YJEFN3: variants seen among roughly 807,000 people sequenced by gnomAD.
The protein encoded by YJEFN3 is yjeF N-terminal domain-containing protein 3.
A neutral mutation model predicts 31.5 loss-of-function variants in YJEFN3; 29 were observed. The observed-to-expected ratio is 0.92, with a 90% CI of 0.69 to 1.26. The LOEUF is 1.26. Among genes scored for constraint, YJEFN3 ranks in the 50% most tolerant of loss-of-function variants. The pLI is 0.00. For synonymous variants in YJEFN3, 227 were observed against 196.1 expected (o/e 1.16, Z -1.32); for missense variants, 442 against 425.4 (o/e 1.04, Z -0.34).
chr19:19,537,419 G>T lies in YJEFN3; in HGVS notation c.795G>T (p.Gly265=). 1 of 1,591,426 alleles carries T rather than the reference G, an allele frequency of 6.3e-7. No individual in the cohort carries two copies. Among genetic ancestry groups the T allele is most frequent in the Non-Finnish European group, 8.5e-7 (1 of 1,174,920 alleles). Residue 265 remains glycine, a synonymous_variant, in exon 7 of 7, where the codon GGG becomes GGT. Transcript: ENST00000514277. The stretch of plus-strand genomic sequence containing the variant: ...AGCGCTGCGCTGGCCGCTTCTCCGG[G>T]CGCCACCACTTCGTGGCCGGCAGGT... The part of the protein sequence containing the change: ...APKRCAGRFS[G]RHHFVAGRFV...
At chr19:19,529,172 A>G in intron 1 of YJEFN3, 181 bp downstream of exon 1, 1 of 1,455,296 alleles carries the variant, frequency 6.9e-7, no homozygotes. Flanking sequence ...GGAGGCAGGG[A>G]TATGGCCAAG....
chr19:19,532,684 G>C lies in YJEFN3; in HGVS notation c.262G>C (p.Gly88Arg). Reference protein sequence around the residue: ...ERELLEDYRFGRQQLVELCGH... With the variant: ...ERELLEDYRFRRQQLVELCGH... ...GGAGCTGCTGGAGGATTATCGCTTT[G>C]GGCGGCAGCAGCTCGTGGAGCTGTG... Residue 88 changes from glycine (G) to arginine (R), a missense_variant, in exon 3 of 7, where the codon GGG becomes CGG. Transcript: ENST00000514277. 1.3e-6 allele frequency: 2 copies of C among 1,577,018 alleles called. No individual in the cohort carries two copies. The highest frequency in any genetic ancestry group is 1.2e-5 in the South Asian group (1 of 86,896).
Position 19,537,435 on chromosome 19 carries a change from G to GCCGGCAGGTTCGTGC in YJEFN3, c.815_829dup (p.Gly272_Pro276dup). 2 of 1,588,768 alleles carry GCCGGCAGGTTCGTGC rather than the reference G, an allele frequency of 1.3e-6. No individual in the cohort carries two copies. Among genetic ancestry groups the GCCGGCAGGTTCGTGC allele is most frequent in the Non-Finnish European group, 1.7e-6 (2 of 1,173,514 alleles). Reference sequence around the variant, plus strand: ...CTTCTCCGGGCGCCACCACTTCGTGGCCGGCAGGTTCGTGCCCGATGACGT... The same window carrying GCCGGCAGGTTCGTGC: ...CTTCTCCGGGCGCCACCACTTCGTGGCCGGCAGGTTCGTGCCCGGCAGGTTCGTGCCCGATGACGT... On this transcript the variant is annotated inframe_insertion, in exon 7 of 7. Transcript: ENST00000514277.
intron 6 of YJEFN3, 38 bp downstream of exon 6, chr19:19,535,717 G>A: frequency 6.5e-7 from 1 of 1,541,472 alleles, no homozygotes; most frequent in Non-Finnish European, 8.7e-7. Flanking sequence ...GGGCCTGGGG[G>A]GCTTGGGTGG....
At position 19,532,650 on chromosome 19, in the gene YJEFN3, C is replaced by G. The variant is rs1221808020; in HGVS notation, c.228C>G (p.Ala76=). 6 of 1,561,404 alleles carry G rather than the reference C, an allele frequency of 3.8e-6. No homozygotes were observed. The East Asian group carries it at 1.2e-4, about 31-fold the overall frequency. ...PVCQSTAEAA[A]LERELLEDYR... is the part of the protein sequence containing the mutation. ...TCCCCAGCACCGCGGAGGCAGCCGCCCTGGAGCGGGAGCTGCTGGAGGATT... is the reference window on the plus strand; with the variant it reads ...TCCCCAGCACCGCGGAGGCAGCCGCGCTGGAGCGGGAGCTGCTGGAGGATT... Residue 76 remains alanine, a synonymous_variant, in exon 3 of 7, where the codon GCC becomes GCG. Coordinates refer to ENST00000514277, the MANE Select transcript of YJEFN3 (RefSeq NM_198537.4).
At chr19:19,529,292 T>C in intron 1 of YJEFN3, 72 bp from the exon 2 acceptor site, 2 of 1,521,446 alleles carry the variant, frequency 1.3e-6, no homozygotes, top group Admixed American at 2.1e-5. Flanking sequence ...TCATGAATGA[T>C]TCATCAGCAG....
intron 2 of YJEFN3, 123 bp from the exon 3 acceptor site, chr19:19,532,509 C>T (rs952013023): frequency 2.1e-5 from 12 of 569,740 alleles, no homozygotes; most frequent in South Asian, 7.5e-5. Flanking sequence ...AGACGCTACT[C>T]GGGGGTACGG....
chr19:19,532,382 C>T (rs1236203275), intron 2 of YJEFN3, among the ~76,000 whole-genome samples: 2 of 152,254 alleles, frequency 1.3e-5, no homozygotes, highest in African/African-American at 4.8e-5. Flanking sequence ...AGCGCATCTT[C>T]TGCCACCAGA....
intron 2 of YJEFN3, among the ~76,000 whole-genome samples, chr19:19,530,173 C>G (rs534610546): frequency 6.6e-6 from 1 of 152,262 alleles, no homozygotes; most frequent in South Asian, 2.1e-4. Flanking sequence ...GAGTGTCAGG[C>G]CCAGTTCCCT....
chr19:19,535,860 C>G, intron 6 of YJEFN3, 181 bp downstream of exon 6: 1 of 780,448 alleles, frequency 1.3e-6, no homozygotes, highest in Non-Finnish European at 2.1e-6. Context: ...AGGCTGCCAC[C>G]CCAGGTGACC....
chr19:19,530,316 C>T (rs1382134120), intron 2 of YJEFN3, among the ~76,000 whole-genome samples: 2 of 152,090 alleles, frequency 1.3e-5, no homozygotes, highest in African/African-American at 2.4e-5. Context: ...CCCACAACAG[C>T]AGAAGGGACC....
intron 6 of YJEFN3, 125 bp from the exon 7 acceptor site, chr19:19,537,194 C>T (rs1317875515): frequency 1.1e-6 from 1 of 883,510 alleles, no homozygotes; most frequent in Non-Finnish European, 1.7e-6. Flanking sequence ...GGCAGCAGGA[C>T]TCTGGTCTGA....
At chr19:19,530,188 A>AC (rs1354688221) in intron 2 of YJEFN3, among the ~76,000 whole-genome samples, 1 of 151,568 alleles carries the variant, frequency 6.6e-6, no homozygotes, top group African/African-American at 2.4e-5. Context: ...TTCCCTTTGG[A>AC]CCCAGGCCAC....
At chr19:19,529,554 A>T in intron 2 of YJEFN3, 41 bp downstream of exon 2, 1 of 1,598,164 alleles carries the variant, frequency 6.3e-7, no homozygotes, top group Non-Finnish European at 8.5e-7. Flanking sequence ...CGTGGCTGTG[A>T]CTCTCACCTC....
At chr19:19,532,986 T>C (rs923559447) in intron 3 of YJEFN3, 81 of 1,282,502 alleles carry the variant, frequency 6.3e-5, no homozygotes, top group Admixed American at 8.0e-5. Context: ...GCCACGACCC[T>C]GGAAGTGCAA....
At chr19:19,531,156 A>G (rs980286140) in intron 2 of YJEFN3, among the ~76,000 whole-genome samples, 2 of 152,206 alleles carry the variant, frequency 1.3e-5, no homozygotes, top group African/African-American at 2.4e-5. Flanking sequence ...TCATGCTGCA[A>G]AATTGGCCAG....
intron 1 of YJEFN3, 150 bp from the exon 2 acceptor site, chr19:19,529,214 C>T (rs2061129054): frequency 1.7e-5 from 24 of 1,447,658 alleles, no homozygotes; most frequent in Non-Finnish European, 2.0e-5. Flanking sequence ...ATCCGAGACC[C>T]TCCTGGCATC....
Position 19,534,026 on chromosome 19 carries a change from T to C in YJEFN3, c.319-1008T>C. On this transcript the variant is annotated intron_variant, in intron 3 of 6. Transcript: ENST00000514277. The surrounding 1 kb of genome is among the most constrained non-coding windows in gnomAD (Gnocchi z 4.6). ...GTGTGGTTGGAGCTTAAAGTACAGC[T>C]GGGGCTCAAGAGACACCCAGAGTGC... 2.0e-6 allele frequency: 2 copies of C among 985,618 alleles called. No homozygotes were observed. The highest frequency in any genetic ancestry group is 2.4e-6 in the Non-Finnish European group (2 of 830,082). The allele number at this position is 985,618 out of a possible 1,614,324, so 61.1% of individuals were successfully genotyped here.
chr19:19,534,109 G>C lies in YJEFN3; in HGVS notation c.319-925G>C. On this transcript the variant is annotated intron_variant, in intron 3 of 6. Transcript: ENST00000514277. The surrounding 1 kb of genome is among the most constrained non-coding windows in gnomAD (Gnocchi z 4.6). The stretch of plus-strand genomic sequence containing the variant: ...TAAAGGCCAAACTGAGTCTGGGAGA[G>C]AAGGGGCTGGGGCCACGCAGAATCA... The C allele has an allele frequency of 2.0e-6, 2 of 985,698 alleles. No individual in the cohort carries two copies. The highest frequency in any genetic ancestry group is 2.4e-6 in the Non-Finnish European group (2 of 830,074). The allele number at this position is 985,698 out of a possible 1,614,324, so 61.1% of individuals were successfully genotyped here.
Sources: gnomAD v4.1 joint callset for allele counts (sites outside exome capture counted in the v4.1 genomes callset) on GRCh38, gnomAD v4.1.1 for gene constraint, Gnocchi (gnomAD v3.1) non-coding constraint, MANE v1.5 for transcripts, NCBI Gene and HGNC (gene_info 2026-07-23, HGNC 2026-07-21) for gene names.